TGFBRAP1: variants seen among roughly 807,000 people sequenced by gnomAD.
TGFBRAP1 encodes transforming growth factor-beta receptor-associated protein 1.
TGFBRAP1 carries 20 observed loss-of-function variants against 83.2 expected under a neutral mutation model. That is an observed-to-expected ratio of 0.24 (90% confidence interval 0.17 to 0.35). TGFBRAP1 has a LOEUF of 0.35. Among genes scored for constraint, TGFBRAP1 ranks in the 10% least tolerant of loss-of-function variants. The pLI is 1.00. For missense variants in TGFBRAP1, 950 were observed against 1,099.4 expected (o/e 0.86, Z 1.92); for synonymous variants, 415 against 459.8 (o/e 0.90, Z 1.25).
rs1211251379 is a variant in TGFBRAP1, at chr2:105,267,471, C to T, written c.2495G>A (p.Arg832Lys). Residue 832 changes from arginine to lysine, a missense_variant, in exon 12 of 12, where the codon AGA becomes AAA. Arg to Lys is a conservative substitution (Grantham distance 26, BLOSUM62 2). Coordinates refer to ENST00000393359, the MANE Select transcript of TGFBRAP1 (RefSeq NM_004257.6). ...GTGCACAAGACCACCATTTGGGTATCTAACAAACACAGGCTCACAAAAGGG... is the reference window on the plus strand; with the variant it reads ...GTGCACAAGACCACCATTTGGGTATTTAACAAACACAGGCTCACAAAAGGG... ...QNPFCEPVFV[R>K]YPNGGLVHTH... 6.2e-7 allele frequency: 1 copy of T among 1,614,192 alleles called. No individual in the cohort carries two copies. Among genetic ancestry groups the T allele is most frequent in the Non-Finnish European group, 8.5e-7 (1 of 1,180,050 alleles).
intron 1 of TGFBRAP1, among the ~76,000 whole-genome samples, chr2:105,324,003 G>GA (rs1410434098): frequency 6.6e-6 from 1 of 151,940 alleles, no homozygotes; most frequent in Non-Finnish European, 1.5e-5. Flanking sequence ...TTAAGGTCAC[G>GA]AAAAAAGAGG....
rs147395973 is a variant in TGFBRAP1 at position 105,287,326 on chromosome 2, A to T, written c.1039-2928T>A. 1.4e-3 allele frequency among the ~76,000 whole-genome samples: 213 copies of T among 152,338 alleles called. 2 individuals carry two copies. The highest frequency in any genetic ancestry group is 5.1e-3 in the African/African-American group (210 of 41,574). The stretch of plus-strand genomic sequence containing the variant: ...TGAATACACTCAATGCCACAGAACT[A>T]CACACTTAAAAATAGTTAAAATGGT... On this transcript the variant is annotated intron_variant, in intron 4 of 11. Transcript: ENST00000393359.
At chr2:105,268,289 CTG>C (rs1677016716) in intron 11 of TGFBRAP1, among the ~76,000 whole-genome samples, 1 of 152,154 alleles carries the variant, frequency 6.6e-6, no homozygotes, top group East Asian at 1.9e-4. Context: ...CCTACAGACA[CTG>C]AGATAAAGAA....
intron 2 of TGFBRAP1, among the ~76,000 whole-genome samples, chr2:105,306,193 G>A (rs1360199802): frequency 6.6e-6 from 1 of 151,584 alleles, no homozygotes; most frequent in Non-Finnish European, 1.5e-5. Context: ...TTCCTGAGTA[G>A]CTGGGATTAC....
rs1677095721 is a variant in TGFBRAP1 at position 105,269,991 on chromosome 2, A to C, written c.1973-286T>G. Among the ~76,000 whole-genome samples, 1 of 152,184 alleles carries C rather than the reference A, an allele frequency of 6.6e-6. No individual in the cohort carries two copies. Among genetic ancestry groups the C allele is most frequent in the African/African-American group, 2.4e-5 (1 of 41,448 alleles). Reference sequence around the variant, plus strand: ...AGGATGAAAAGAACAAATGAACCACAACTACAGAAAGGCCCAGTGGCTCAG... The same window carrying C: ...AGGATGAAAAGAACAAATGAACCACCACTACAGAAAGGCCCAGTGGCTCAG... On this transcript the variant is annotated intron_variant, in intron 10 of 11. Transcript: ENST00000393359. This position sits in a 1 kb window ranked among gnomAD's most constrained non-coding sequence, Gnocchi z 4.1.
intron 5 of TGFBRAP1, among the ~76,000 whole-genome samples, chr2:105,282,199 C>G (rs1677562307): frequency 1.3e-5 from 2 of 152,216 alleles, no homozygotes; most frequent in African/African-American, 4.8e-5. Flanking sequence ...GCCAGAGAAG[C>G]AGGCACTGGG....
At chr2:105,263,464 C>T (rs1272348111), downstream of TGFBRAP1, among the ~76,000 whole-genome samples, 2 of 152,214 alleles carry the variant, frequency 1.3e-5, no homozygotes, top group Non-Finnish European at 2.9e-5. Flanking sequence ...TCCAAGAAAA[C>T]ACGCTTGACA....
At chr2:105,252,066 A>AC in the TGFBRAP1 span, among the ~76,000 whole-genome samples, 1 of 150,996 alleles carries the variant, frequency 6.6e-6, no homozygotes, top group Admixed American at 6.6e-5. Flanking sequence ...TTATCTGCTG[A>AC]CCTTCCCTCC....
At chr2:105,316,470 C>T (rs977180237) in intron 1 of TGFBRAP1, among the ~76,000 whole-genome samples, 11,972 of 93,428 alleles carry the variant, frequency 0.13, 571 homozygotes, top group Non-Finnish European at 0.15. Flanking sequence ...TGTGCGCGCG[C>T]GCGCGCGCGC....
chr2:105,267,592 C>A, intron 11 of TGFBRAP1, 33 bp from the exon 12 acceptor site: 1 of 1,613,034 alleles, frequency 6.2e-7, no homozygotes, highest in South Asian at 1.1e-5. Flanking sequence ...AGAATGCTGT[C>A]ATGTGTTAAG....
the TGFBRAP1 span, among the ~76,000 whole-genome samples, chr2:105,255,026 T>C: frequency 6.6e-6 from 1 of 152,200 alleles, no homozygotes. Context: ...CTGTGGTATT[T>C]TGTTACAGCA....
rs1037054160 is a variant in TGFBRAP1 at position 105,272,750 on chromosome 2, C to T, written c.1972+105G>A. On this transcript the variant is annotated intron_variant, in intron 10 of 11. Coordinates refer to ENST00000393359, the MANE Select transcript of TGFBRAP1 (RefSeq NM_004257.6). ...AAAAAAAGAGGCTCAAAGAATCACCCTGTGCAATCAACCAGCAGCTGTGCC... is the reference window on the plus strand; with the variant it reads ...AAAAAAAGAGGCTCAAAGAATCACCTTGTGCAATCAACCAGCAGCTGTGCC... 3.5e-6 allele frequency: 5 copies of T among 1,421,842 alleles called. No homozygotes were observed. The Admixed American group carries it at 8.5e-5, about 24-fold the overall frequency. The allele number at this position is 1,421,842 out of a possible 1,614,324, so 88.1% of individuals were successfully genotyped here.
At position 105,307,964 on chromosome 2, in the gene TGFBRAP1, C is replaced by T; in HGVS notation, c.338G>A (p.Gly113Glu). ...NMLNLEPVPS[G>E]ARIKGAATFA... ...CGTGGCTGCCCCCTTGATGCGGGCC[C>T]CCGAAGGCACTGGCTCGAGGTTCAG... The change falls in exon 2 of 12, where the codon GGG becomes GAG. Residue 113 changes from glycine to glutamate, a missense_variant. Physicochemically the swap from Gly to Glu is moderately conservative, Grantham distance 98 (BLOSUM62 -2). Transcript: ENST00000393359. 8.1e-6 allele frequency: 13 copies of T among 1,614,244 alleles called. No homozygotes were observed. Among genetic ancestry groups the T allele is most frequent in the Non-Finnish European group, 1.1e-5 (13 of 1,180,054 alleles).
In TGFBRAP1 at chr2:105,269,437, T is replaced by C. The variant is rs769778076; in HGVS notation, c.2241A>G (p.Glu747=). ...TCTGCAGCACCTGGGCTGCATCAAA[T>C]TCGGTGGCGTGGCGGTTCAGCAGGT... ...AVDLLNRHAT[E]FDAAQVLQML... Residue 747 remains glutamate, a synonymous_variant, in exon 11 of 12, where the codon GAA becomes GAG. Coordinates refer to ENST00000393359, the MANE Select transcript of TGFBRAP1 (RefSeq NM_004257.6). The surrounding 1 kb of genome is among the most constrained non-coding windows in gnomAD (Gnocchi z 4.1). The C allele has an allele frequency of 1.9e-6, 3 of 1,613,704 alleles. No individual in the cohort carries two copies. The highest frequency in any genetic ancestry group is 1.7e-5 in the Admixed American group (1 of 59,970).
At chr2:105,305,213 A>T (rs557801612) in intron 2 of TGFBRAP1, among the ~76,000 whole-genome samples, 61 of 152,344 alleles carry the variant, frequency 4.0e-4, no homozygotes, top group African/African-American at 1.4e-3. Context: ...CTATTTTTTT[A>T]AAAAGTGAAA....
downstream of TGFBRAP1, among the ~76,000 whole-genome samples, chr2:105,260,199 A>G (rs1676756197): frequency 6.6e-6 from 1 of 152,144 alleles, no homozygotes; most frequent in South Asian, 2.1e-4. Context: ...ACTTGAGGTC[A>G]GGAGTTCGAG....
Position 105,269,544 on chromosome 2 carries a change from G to A in TGFBRAP1, c.2134C>T (p.Arg712Cys), listed in dbSNP as rs1013393695. Residue 712 changes from arginine (R) to cysteine (C), a missense_variant, in exon 11 of 12, where the codon CGC becomes TGC. Physicochemically the swap from Arg to Cys is radical, Grantham distance 180. Coordinates refer to ENST00000393359, the MANE Select transcript of TGFBRAP1 (RefSeq NM_004257.6). This position sits in a 1 kb window ranked among gnomAD's most constrained non-coding sequence, Gnocchi z 4.1. Reference protein sequence around the residue: ...WCSEGRDPPHRQQLFHTLLAI... With the variant: ...WCSEGRDPPHCQQLFHTLLAI... Reference sequence around the variant, plus strand: ...AGCAGCGTGTGAAAGAGTTGCTGGCGGTGGGGTGGGTCTCGGCCCTCGGAG... The same window carrying A: ...AGCAGCGTGTGAAAGAGTTGCTGGCAGTGGGGTGGGTCTCGGCCCTCGGAG... 14 of 1,611,702 alleles carry A rather than the reference G, an allele frequency of 8.7e-6. No individual in the cohort carries two copies. The highest frequency in any genetic ancestry group is 3.3e-5 in the Admixed American group (2 of 59,902).
chr2:105,293,784 G>T (rs139122714), intron 4 of TGFBRAP1, among the ~76,000 whole-genome samples: 1 of 152,224 alleles, frequency 6.6e-6, no homozygotes, highest in Non-Finnish European at 1.5e-5. Context: ...CTGCTGGAAG[G>T]CCAGTTGGAA....
intron 1 of TGFBRAP1, among the ~76,000 whole-genome samples, chr2:105,328,539 A>G (rs934186262): frequency 1.3e-5 from 2 of 152,190 alleles, no homozygotes; most frequent in Non-Finnish European, 2.9e-5. Context: ...ATGAGAGAGT[A>G]GCAGCCACCA....
Sources: allele counts gnomAD v4.1 joint callset (sites outside exome capture counted in the v4.1 genomes callset), GRCh38; gene constraint gnomAD v4.1.1; non-coding constraint Gnocchi (gnomAD v3.1); transcripts MANE v1.5; gene names NCBI Gene and HGNC (gene_info 2026-07-23, HGNC 2026-07-21).